Variants in TRIO observed in about 807,000 individuals in gnomAD.
TRIO encodes the protein triple functional domain protein.
TRIO carries 58 observed loss-of-function variants against 351.9 expected under a neutral mutation model. The ratio of observed to expected loss-of-function variants is 0.16; its 90% confidence interval spans 0.13 to 0.21. The LOEUF is 0.21. TRIO is among the 10% of genes least tolerant of loss of function. The pLI is 1.00. For synonymous variants in TRIO, 1,758 were observed against 1,595.7 expected (o/e 1.10, Z -2.42); for missense variants, 3,201 against 4,027.8 (o/e 0.79, Z 5.56).
At position 14,504,439 on chromosome 5, in the gene TRIO, C is replaced by G. The variant is rs778203334; in HGVS notation, c.8458C>G (p.Arg2820Gly). 36 of 1,614,032 alleles carry G rather than the reference C, an allele frequency of 2.2e-5. No homozygotes were observed. Among genetic ancestry groups the G allele is most frequent in the Non-Finnish European group, 3.0e-5 (35 of 1,180,028 alleles). ...VKKCDQKGTK[R>G]AVATKFVNKK... ...GAAATGTGATCAGAAAGGAACCAAG[C>G]GAGCAGTGGCCACTAAGTTTGTGAA... Residue 2820 changes from arginine to glycine, a missense_variant, in exon 55 of 57, where the codon CGA (arginine) becomes GGA (glycine). Physicochemically the swap from Arg to Gly is moderately radical, Grantham distance 125. Coordinates refer to ENST00000344204, the MANE Select transcript of TRIO (RefSeq NM_007118.4).
At chr5:14,248,776 C>G (rs1015585471) in intron 1 of TRIO, among the ~76,000 whole-genome samples, 16 of 152,230 alleles carry the variant, frequency 1.1e-4, no homozygotes, top group African/African-American at 3.9e-4. Flanking sequence ...CAGTGCTTTA[C>G]AGACTTCTCC....
chr5:14,418,584 C>A (rs1749842047), intron 33 of TRIO, among the ~76,000 whole-genome samples: 1 of 152,122 alleles, frequency 6.6e-6, no homozygotes, highest in Non-Finnish European at 1.5e-5. Flanking sequence ...GGTGGGAGGG[C>A]ATGATGAGTC....
intron 37 of TRIO, among the ~76,000 whole-genome samples, chr5:14,470,285 A>G (rs1276146576): frequency 6.6e-6 from 1 of 152,114 alleles, no homozygotes. Flanking sequence ...TGTTAAGAGG[A>G]GAAAATAGAA....
intron 1 of TRIO, among the ~76,000 whole-genome samples, chr5:14,175,428 G>C (rs1480036972): frequency 6.6e-6 from 1 of 151,882 alleles, no homozygotes; most frequent in Non-Finnish European, 1.5e-5. Flanking sequence ...TTAATATCTA[G>C]TAATAGATTC....
chr5:14,368,302 C>G (rs1440361000), intron 16 of TRIO, among the ~76,000 whole-genome samples: 2 of 152,162 alleles, frequency 1.3e-5, no homozygotes, highest in Non-Finnish European at 2.9e-5. Flanking sequence ...AAATAAAAAG[C>G]ATTCACTCTG....
chr5:14,333,848 A>T (rs1027122506), intron 10 of TRIO, among the ~76,000 whole-genome samples: 6 of 151,844 alleles, frequency 4.0e-5, no homozygotes, highest in African/African-American at 1.5e-4. Context: ...TTTAATCCCC[A>T]TGGCAGGGAT....
Position 14,388,686 on chromosome 5 carries a change from A to T in TRIO, c.3948+7A>T, listed in dbSNP as rs1305915982. Reference sequence around the variant, plus strand: ...CCTCCGGGAATGTATGGATGTAAGTAAGTTTTTTTTTTTTTTTTTTGCTTG... The same window carrying T: ...CCTCCGGGAATGTATGGATGTAAGTTAGTTTTTTTTTTTTTTTTTTGCTTG... On this transcript the variant is annotated splice_region_variant and intron_variant, in intron 24 of 56. Transcript: ENST00000344204. 18 of 1,562,156 alleles carry T rather than the reference A, an allele frequency of 1.2e-5. No homozygotes were observed. The highest frequency in any genetic ancestry group is 1.5e-5 in the Non-Finnish European group (17 of 1,152,740).
intron 1 of TRIO, among the ~76,000 whole-genome samples, chr5:14,155,882 A>G (rs532260484): frequency 5.3e-5 from 8 of 152,272 alleles, no homozygotes; most frequent in African/African-American, 1.9e-4. Context: ...TTCATTTGCT[A>G]GTTGTAGCAT....
chr5:14,430,548 G>A (rs1270302520), intron 34 of TRIO, among the ~76,000 whole-genome samples: 1 of 152,118 alleles, frequency 6.6e-6, no homozygotes, highest in African/African-American at 2.4e-5. Context: ...GTGAATCCAA[G>A]CTATGCAGTT....
intron 47 of TRIO, among the ~76,000 whole-genome samples, chr5:14,486,121 A>C (rs1263105009): frequency 6.6e-6 from 1 of 152,192 alleles, no homozygotes; most frequent in Non-Finnish European, 1.5e-5. Context: ...TCTCTTTGCA[A>C]ATGTTGGCTT....
chr5:14,152,636 C>T (rs999250356), intron 1 of TRIO, among the ~76,000 whole-genome samples: 6 of 152,332 alleles, frequency 3.9e-5, no homozygotes, highest in African/African-American at 1.4e-4. Flanking sequence ...TCCCAAAGTG[C>T]TGGGATTACA....
intron 1 of TRIO, among the ~76,000 whole-genome samples, chr5:14,197,322 C>T (rs1790841424): frequency 6.6e-6 from 1 of 152,118 alleles, no homozygotes; most frequent in Non-Finnish European, 1.5e-5. Context: ...TGTCTTATCC[C>T]CAGCTCCGTC....
intron 34 of TRIO, among the ~76,000 whole-genome samples, chr5:14,446,064 G>A (rs1283683213): frequency 1.3e-5 from 2 of 152,194 alleles, no homozygotes; most frequent in Non-Finnish European, 2.9e-5. Flanking sequence ...GGTGTTCTTA[G>A]CAGAGGCGTT....
intron 8 of TRIO, among the ~76,000 whole-genome samples, chr5:14,309,861 T>TCTC (rs1328719330): frequency 1.3e-5 from 2 of 152,202 alleles, no homozygotes; most frequent in East Asian, 3.8e-4. Context: ...CCCTTTCTTC[T>TCTC]CTCCTCCTCT....
At position 14,241,951 on chromosome 5, in the gene TRIO, C is replaced by T. The variant is rs189648969; in HGVS notation, c.158-28874C>T. ...TTAAAAGTAAATTGTATTATTCCAA[C>T]GACACTGTAAATATTAATTACACTG... On this transcript the variant is annotated intron_variant, in intron 1 of 56. Coordinates refer to ENST00000344204, the MANE Select transcript of TRIO (RefSeq NM_007118.4). Among the ~76,000 whole-genome samples the T allele has an allele frequency of 1.8e-4, 27 of 152,256 alleles. No individual in the cohort carries two copies. In the East Asian group the frequency reaches 2.9e-3, roughly 16 times the overall value.
chr5:14,480,630 C>G (rs897052650), intron 43 of TRIO, among the ~76,000 whole-genome samples: 2 of 152,174 alleles, frequency 1.3e-5, no homozygotes, highest in Admixed American at 1.3e-4. Context: ...ATTGATATTC[C>G]TTCGTGTACA....
intron 28 of TRIO, among the ~76,000 whole-genome samples, chr5:14,395,302 A>G (rs1282074629): frequency 2.6e-5 from 4 of 152,242 alleles, no homozygotes; most frequent in African/African-American, 9.6e-5. Context: ...TGAATGCAAA[A>G]TAAGTCAGGA....
At chr5:14,400,232 C>G (rs1369254126) in intron 30 of TRIO, among the ~76,000 whole-genome samples, 1 of 152,224 alleles carries the variant, frequency 6.6e-6, no homozygotes, top group Non-Finnish European at 1.5e-5. Flanking sequence ...GCTTTAATCT[C>G]TCTTTAGAGA....
Position 14,387,804 on chromosome 5 carries a change from C to T in TRIO, c.3838C>T (p.His1280Tyr), listed in dbSNP as rs1356931026. 3 of 1,614,188 alleles carry T rather than the reference C, an allele frequency of 1.9e-6. No homozygotes were observed. Among genetic ancestry groups the T allele is most frequent in the Non-Finnish European group, 1.7e-6 (2 of 1,180,044 alleles). ...GSEVKLRDAAHELNEEKRKSA... is the reference protein window; with the variant it reads ...GSEVKLRDAAYELNEEKRKSA... ...AGAGGTGAAACTTCGAGATGCTGCT[C>T]ATGAACTTAATGAAGAGAAGCGGAA... Residue 1280 changes from histidine to tyrosine, a missense_variant, in exon 23 of 57, where the codon CAT (histidine) becomes TAT (tyrosine). His to Tyr is a moderately conservative substitution (Grantham distance 83, BLOSUM62 2). Coordinates refer to ENST00000344204, the MANE Select transcript of TRIO (RefSeq NM_007118.4).
Sources: gnomAD v4.1 joint callset for allele counts (sites outside exome capture counted in the v4.1 genomes callset) on GRCh38, gnomAD v4.1.1 for gene constraint, MANE v1.5 for transcripts, NCBI Gene and HGNC (gene_info 2026-07-23, HGNC 2026-07-21) for gene names.